WDR45: variants seen among roughly 807,000 people sequenced by gnomAD.
WDR45 encodes WD repeat domain phosphoinositide-interacting protein 4.
In WDR45, 2 loss-of-function variants were observed where a neutral mutation model predicts 27.3. The ratio of observed to expected loss-of-function variants is 0.07; its 90% CI spans 0.03 to 0.23. WDR45 has a LOEUF of 0.23. Among genes scored for constraint, WDR45 ranks in the 10% least tolerant of loss-of-function variants. The pLI is 1.00. For missense variants in WDR45, 175 were observed against 311.9 expected, an observed-to-expected ratio of 0.56 and a Z score of 3.31; for synonymous variants, 99 against 119.2, an observed-to-expected ratio of 0.83 and a Z score of 1.11.
intron 2 of WDR45, among the ~76,000 whole-genome samples, chrX:49,098,403 C>T (rs996481715): frequency 1.9e-5 from 2 of 106,346 alleles, no homozygotes; most frequent in South Asian, 4.1e-4. Context: ...GGCTAAGGTG[C>T]GGGAATTGCT....
chrX:49,095,825 G>A (rs1268902515), intron 2 of WDR45, among the ~76,000 whole-genome samples: 2 of 84,067 alleles, frequency 2.4e-5, no homozygotes, highest in Non-Finnish European at 4.4e-5. Context: ...GTGCAATGGC[G>A]TGATCTGGGC....
intron 2 of WDR45, among the ~76,000 whole-genome samples, chrX:49,097,714 T>A (rs2065130872): frequency 9.2e-6 from 1 of 108,354 alleles, no homozygotes; most frequent in Non-Finnish European, 1.9e-5. Context: ...TGGAGTACAA[T>A]GGCGCAATCT....
At chrX:49,077,948 T>C (rs1176923766) in intron 2 of WDR45, 37 bp from the exon 3 acceptor site, 2 of 1,209,129 alleles carry the variant, frequency 1.7e-6, no homozygotes, top group African/African-American at 1.7e-5. Context: ...CCTTAAAGAA[T>C]GCCCAGGTAG....
chrX:49,098,861 G>A (rs1557087730), intron 2 of WDR45, among the ~76,000 whole-genome samples: 2 of 111,918 alleles, frequency 1.8e-5, no homozygotes, highest in African/African-American at 3.3e-5. Flanking sequence ...TGGTTATACT[G>A]TAATCTTTAG....
intron 2 of WDR45, among the ~76,000 whole-genome samples, chrX:49,095,510 G>A (rs2065121541): frequency 9.1e-6 from 1 of 109,779 alleles, no homozygotes; most frequent in African/African-American, 3.3e-5. Flanking sequence ...GTCCAGGCTG[G>A]AGTGCAGTGG....
intron 2 of WDR45, among the ~76,000 whole-genome samples, chrX:49,088,794 G>A (rs2065094825): frequency 9.0e-6 from 1 of 111,567 alleles, no homozygotes; most frequent in Non-Finnish European, 1.9e-5. Flanking sequence ...GGTGCAGTAA[G>A]CTATGATCAT....
At chrX:49,087,353 C>T (rs782555193) in intron 2 of WDR45, among the ~76,000 whole-genome samples, 1 of 107,289 alleles carries the variant, frequency 9.3e-6, no homozygotes, top group African/African-American at 3.4e-5. Context: ...AGCAAAACTG[C>T]GTCTCAAAAA....
chrX:49,100,381 C>A (rs1458668473), exon 2 of WDR45: 1 of 109,361 alleles, frequency 9.1e-6, no homozygotes, highest in Admixed American at 9.9e-5. Flanking sequence ...ACTACAGGCG[C>A]CCGTCACCAC....
chrX:49,083,160 G>A (rs1156407580), upstream of WDR45, among the ~76,000 whole-genome samples: 1 of 110,050 alleles, frequency 9.1e-6, no homozygotes, highest in Non-Finnish European at 1.9e-5. Context: ...TTACAGGCGT[G>A]AGCCACCGCG....
At chrX:49,082,942 C>T (rs901819349), upstream of WDR45, among the ~76,000 whole-genome samples, 12 of 104,046 alleles carry the variant, frequency 1.2e-4, no homozygotes, top group South Asian at 4.2e-4. Context: ...TGCAGTGGGG[C>T]GATCTCGGTT....
intron 2 of WDR45, among the ~76,000 whole-genome samples, chrX:49,096,709 G>T (rs1405806788): frequency 8.9e-6 from 1 of 112,687 alleles, no homozygotes; most frequent in Non-Finnish European, 1.9e-5. Context: ...CTCACAAAGT[G>T]CTGGGATTAC....
rs2065025687 is a variant in WDR45, at chrX:49,074,633, G to A, written c.*170C>T. On this transcript the variant is annotated 3_prime_UTR_variant, in exon 11 of 11. Coordinates refer to ENST00000376372, the MANE Select transcript of WDR45 (RefSeq NM_001029896.2). ...GGCCCTTGGGGCACACAGTCATCAA[G>A]AAGTGCTGGGGGGAAGTGAGCTCTT... 1 of 446,441 alleles carries A rather than the reference G, an allele frequency of 2.2e-6. No individual in the cohort carries two copies. Among genetic ancestry groups the A allele is most frequent in the Admixed American group, 4.1e-5 (1 of 24,337 alleles). The allele number at this position is 446,441 out of a possible 1,213,427, so 36.8% of individuals were successfully genotyped here.
chrX:49,100,495 C>T (rs2065142085), exon 2 of WDR45: 1 of 113,256 alleles, frequency 8.8e-6, no homozygotes, highest in African/African-American at 3.3e-5. Flanking sequence ...CTCGGCCTCC[C>T]AAAGTGCTGG....
chrX:49,089,816 A>G (rs1312355879), intron 2 of WDR45, among the ~76,000 whole-genome samples: 17 of 103,217 alleles, frequency 1.6e-4, no homozygotes, highest in African/African-American at 6.8e-4. Flanking sequence ...AAAGAAGAGA[A>G]AAAAAGAAGT....
chrX:49,093,150 G>C (rs1313018340), intron 2 of WDR45, among the ~76,000 whole-genome samples: 1 of 111,151 alleles, frequency 9.0e-6, no homozygotes, highest in Non-Finnish European at 1.9e-5. Context: ...GGATGGTCTC[G>C]ATCTGACCTC....
At chrX:49,078,607 CCTT>C (rs1267377440) in intron 1 of WDR45, among the ~76,000 whole-genome samples, 2 of 112,188 alleles carry the variant, frequency 1.8e-5, no homozygotes, top group African/African-American at 6.5e-5. Context: ...CAGGAACCCT[CCTT>C]CTTTCAGGTT....
upstream of WDR45, among the ~76,000 whole-genome samples, chrX:49,083,916 C>T (rs1264622770): frequency 2.2e-5 from 2 of 91,359 alleles, no homozygotes; most frequent in Non-Finnish European, 4.3e-5. Flanking sequence ...CACTGCACTC[C>T]AGCCTGGGTG....
chrX:49,078,236 A>C (rs2065049204), intron 1 of WDR45, 124 bp from the exon 2 acceptor site: 2 of 676,870 alleles, frequency 3.0e-6, no homozygotes, highest in Admixed American at 3.0e-5. Context: ...AAAAGATAAA[A>C]ACAGGCCAGG....
At chrX:49,096,063 C>T (rs2065124586) in intron 2 of WDR45, among the ~76,000 whole-genome samples, 1 of 109,051 alleles carries the variant, frequency 9.2e-6, no homozygotes, top group Admixed American at 9.9e-5. Context: ...GCCACCCTGC[C>T]CGGCCAAGTT....
Sources: gnomAD v4.1 joint callset for allele counts (sites outside exome capture counted in the v4.1 genomes callset) on GRCh38, gnomAD v4.1.1 for gene constraint, MANE v1.5 for transcripts, NCBI Gene and HGNC (gene_info 2026-07-23, HGNC 2026-07-21) for gene names.